TM7SF3: variants seen among roughly 807,000 people sequenced by gnomAD.
The protein encoded by TM7SF3 is seven span transmembrane protein.
TM7SF3 carries 60 observed loss-of-function variants against 65.5 expected under a neutral mutation model. That is an observed-to-expected ratio of 0.92 (90% CI 0.74 to 1.14). The LOEUF is 1.14. Ranked by LOEUF, TM7SF3 falls within the 50% of genes most tolerant of loss-of-function variation. The pLI is 0.00. For missense variants in TM7SF3, 623 were observed against 684.8 expected (o/e 0.91, Z 1.01); for synonymous variants, 264 against 259.6 (o/e 1.02, Z -0.16).
chr12:27,004,438 C>T (rs1368410479), intron 1 of TM7SF3, among the ~76,000 whole-genome samples: 1 of 152,122 alleles, frequency 6.6e-6, no homozygotes, highest in East Asian at 1.9e-4. Flanking sequence ...ATAATTCACC[C>T]GAGTCCCATA....
intron 7 of TM7SF3, 78 bp downstream of exon 7, chr12:26,982,695 T>G: frequency 9.4e-6 from 9 of 960,102 alleles, no homozygotes; most frequent in Non-Finnish European, 1.4e-5. Context: ...AGTAAGTGCT[T>G]ACTCTCCTCA....
intron 9 of TM7SF3, chr12:26,979,279 G>T (rs1477430517): frequency 1.3e-5 from 2 of 152,488 alleles, no homozygotes; most frequent in Admixed American, 1.3e-4. Context: ...TAACTTATAA[G>T]TTAACCAGAT....
At position 27,003,264 on chromosome 12, in the gene TM7SF3, T is replaced by C. The variant is rs1225387476; in HGVS notation, c.218A>G (p.Tyr73Cys). The change falls in exon 2 of 12, where the codon TAT (tyrosine) becomes TGT (cysteine). Residue 73 changes from tyrosine to cysteine, a missense_variant. Physicochemically the swap from Tyr to Cys is radical, Grantham distance 194 (BLOSUM62 -2). Coordinates refer to ENST00000343028, the MANE Select transcript of TM7SF3 (RefSeq NM_016551.3). ...TFLIFQIHSQ[Y>C]QNTTVSFSPT... The stretch of plus-strand genomic sequence containing the variant: ...AGAAAAGGAAACAGTTGTATTCTGA[T>C]ACTGTGAGTGTATTTGGAAAATAAG... The C allele has an allele frequency of 6.2e-7, 1 of 1,612,396 alleles. No individual in the cohort carries two copies. The highest frequency in any genetic ancestry group is 1.7e-5 in the Admixed American group (1 of 59,928).
At chr12:26,982,613 A>G (rs1407708903) in intron 7 of TM7SF3, among the ~76,000 whole-genome samples, 160 bp downstream of exon 7, 1 of 152,228 alleles carries the variant, frequency 6.6e-6, no homozygotes, top group Non-Finnish European at 1.5e-5. Context: ...GAAAAAAATA[A>G]AAATGCATTG....
At chr12:26,999,747 G>C in intron 2 of TM7SF3, 71 bp from the exon 3 acceptor site, 1 of 1,481,222 alleles carries the variant, frequency 6.8e-7, no homozygotes, top group Non-Finnish European at 9.2e-7. Context: ...CTGATCCAGT[G>C]TGCATGTCCT....
intron 1 of TM7SF3, among the ~76,000 whole-genome samples, chr12:27,006,461 AAAT>A (rs1941041460): frequency 6.6e-6 from 1 of 152,162 alleles, no homozygotes; most frequent in African/African-American, 2.4e-5. Flanking sequence ...AATGTTTATA[AAAT>A]AGGAACACAC....
intron 6 of TM7SF3, among the ~76,000 whole-genome samples, chr12:26,990,091 C>T (rs1049403651): frequency 5.3e-5 from 8 of 152,154 alleles, no homozygotes; most frequent in Admixed American, 3.9e-4. Flanking sequence ...CATGCCACAC[C>T]CAGGTACGTG....
chr12:26,980,068 G>A (rs1348103433), intron 8 of TM7SF3, 132 bp from the exon 9 acceptor site: 5 of 1,048,142 alleles, frequency 4.8e-6, no homozygotes, highest in Admixed American at 2.2e-5. Flanking sequence ...CTTCAGTGGT[G>A]CCATGAAGCC....
intron 9 of TM7SF3, chr12:26,979,407 C>A: frequency 5.3e-6 from 1 of 188,188 alleles, no homozygotes. Flanking sequence ...GGTTTGGCAG[C>A]GGATGGGAGT....
intron 1 of TM7SF3, among the ~76,000 whole-genome samples, chr12:27,009,790 G>C (rs1235560474): frequency 6.6e-6 from 1 of 152,148 alleles, no homozygotes; most frequent in East Asian, 1.9e-4. Flanking sequence ...GTTTAGCTGG[G>C]TTTGAGAACT....
intron 6 of TM7SF3, 98 bp from the exon 7 acceptor site, chr12:26,982,957 G>T: frequency 1.2e-6 from 1 of 816,366 alleles, no homozygotes; most frequent in Non-Finnish European, 1.9e-6. Context: ...TAAGTGAACT[G>T]ACATAATTTA....
At position 26,979,956 on chromosome 12, in the gene TM7SF3, G is replaced by A. The variant is rs773991782; in HGVS notation, c.1037-20C>T. On this transcript the variant is annotated intron_variant, in intron 8 of 11. Coordinates refer to ENST00000343028, the MANE Select transcript of TM7SF3 (RefSeq NM_016551.3). ...GATTCACTGTACAAAGAGAGAGGATGAACTGCTGGATAACCGGCAGTACTT... is the reference window on the plus strand; with the variant it reads ...GATTCACTGTACAAAGAGAGAGGATAAACTGCTGGATAACCGGCAGTACTT... The A allele has an allele frequency of 5.6e-6, 9 of 1,613,832 alleles. No homozygotes were observed. Among genetic ancestry groups the A allele is most frequent in the Admixed American group, 1.7e-5 (1 of 59,968 alleles).
chr12:27,002,830 T>C (rs1940888692), intron 2 of TM7SF3, among the ~76,000 whole-genome samples: 1 of 152,230 alleles, frequency 6.6e-6, no homozygotes, highest in South Asian at 2.1e-4. Context: ...GTTGATATTA[T>C]AGGGTTCTTG....
intron 4 of TM7SF3, 29 bp from the exon 5 acceptor site, chr12:26,995,437 A>G: frequency 6.2e-7 from 1 of 1,612,954 alleles, no homozygotes; most frequent in Non-Finnish European, 8.5e-7. Context: ...ATGAAACATC[A>G]GTCTCTTGTG....
intron 5 of TM7SF3, 147 bp downstream of exon 5, chr12:26,995,090 C>T: frequency 1.3e-6 from 1 of 786,298 alleles, no homozygotes; most frequent in Non-Finnish European, 2.0e-6. Flanking sequence ...AGCAAAGACT[C>T]CCAAGATGAT....
At chr12:26,982,909 G>A (rs1227054068) in intron 6 of TM7SF3, 50 bp from the exon 7 acceptor site, 11 of 1,315,750 alleles carry the variant, frequency 8.4e-6, no homozygotes, top group Non-Finnish European at 1.2e-5. Context: ...TTGATACTTT[G>A]TATTAATATT....
In TM7SF3 at chr12:26,979,525, T is replaced by G; in HGVS notation, c.1189+259A>C. On this transcript the variant is annotated intron_variant, in intron 9 of 11. Coordinates refer to ENST00000343028, the MANE Select transcript of TM7SF3 (RefSeq NM_016551.3). Reference sequence around the variant, plus strand: ...TTTCCTTTACCTCCATTATTTCTAATAAACACATACCACTTATCACAACAA... The same window carrying G: ...TTTCCTTTACCTCCATTATTTCTAAGAAACACATACCACTTATCACAACAA... 3 of 429,366 alleles carry G rather than the reference T, an allele frequency of 7.0e-6. No individual in the cohort carries two copies. The South Asian group carries it at 1.1e-4, about 15-fold the overall frequency. The allele number at this position is 429,366 out of a possible 1,614,324, so 26.6% of individuals were successfully genotyped here. A position where few individuals can be genotyped will look rare whatever the true frequency, so the allele number is the denominator to read the frequency against.
chr12:27,011,151 AG>A (rs1424675646), intron 1 of TM7SF3, among the ~76,000 whole-genome samples: 2 of 152,188 alleles, frequency 1.3e-5, no homozygotes, highest in Non-Finnish European at 2.9e-5. Flanking sequence ...AAAGGTTGAA[AG>A]GGAACACAAA....
chr12:26,986,313 C>G (rs1005461858), intron 6 of TM7SF3, among the ~76,000 whole-genome samples: 3 of 152,188 alleles, frequency 2.0e-5, no homozygotes, highest in African/African-American at 7.2e-5. Context: ...CAGGTGATGT[C>G]TGACCACCCT....
Sources: gnomAD v4.1 joint callset for allele counts (sites outside exome capture counted in the v4.1 genomes callset) on GRCh38, gnomAD v4.1.1 for gene constraint, MANE v1.5 for transcripts, NCBI Gene and HGNC (gene_info 2026-07-23, HGNC 2026-07-21) for gene names.